The following ARHGAP22 variants were observed in gnomAD, a reference collection of about 807,000 sequenced individuals.
ARHGAP22 encodes the protein Rho GTPase activating protein 22.
Under a neutral mutation model 59.1 loss-of-function variants are expected in ARHGAP22, and 48 were observed. That is an observed-to-expected ratio of 0.81 (90% CI 0.64 to 1.03). The LOEUF (loss-of-function observed/expected upper bound fraction) is 1.03, where lower values mean the gene tolerates loss of function less well. Ranked by LOEUF, ARHGAP22 falls within the 50% of genes least tolerant of loss-of-function variation. The pLI is 0.00. For missense variants in ARHGAP22, 1,015 were observed against 958.7 expected (o/e 1.06, Z -0.78); for synonymous variants, 445 against 416.4 (o/e 1.07, Z -0.84).
At chr10:48,482,376 C>G (rs1455508445) in intron 3 of ARHGAP22, among the ~76,000 whole-genome samples, 1 of 152,250 alleles carries the variant, frequency 6.6e-6, no homozygotes, top group Non-Finnish European at 1.5e-5. Flanking sequence ...CAGTGAACCT[C>G]CATGTGCAAT....
intron 1 of ARHGAP22, among the ~76,000 whole-genome samples, chr10:48,622,802 G>T (rs1398565513): frequency 6.6e-6 from 1 of 152,114 alleles, no homozygotes; most frequent in African/African-American, 2.4e-5. Flanking sequence ...TACCCATTTG[G>T]CCCTCTACCA....
chr10:48,610,665 AG>A (rs1217808391), intron 1 of ARHGAP22, among the ~76,000 whole-genome samples: 1 of 152,132 alleles, frequency 6.6e-6, no homozygotes, highest in African/African-American at 2.4e-5. Flanking sequence ...TCAGGAAAGG[AG>A]GGAAGCAGGG....
upstream of ARHGAP22, among the ~76,000 whole-genome samples, chr10:48,654,814 CT>C (rs1554967818): frequency 0.11 from 12,851 of 113,212 alleles, 651 homozygotes; most frequent in Admixed American, 0.15. Context: ...TTCTTTCTTT[CT>C]TTCTTTCTTT....
At chr10:48,624,984 A>G (rs1040757721) in intron 1 of ARHGAP22, 2 of 152,238 alleles carry the variant, frequency 1.3e-5, no homozygotes, top group African/African-American at 4.8e-5. Context: ...GTCTGTTGGC[A>G]TAAAGCTTTT....
In ARHGAP22 at chr10:48,591,066, G is replaced by A. The variant is rs60990801; in HGVS notation, c.35-7914C>T. On this transcript the variant is annotated intron_variant, in intron 1 of 9. Coordinates refer to ENST00000249601, the MANE Select transcript of ARHGAP22 (RefSeq NM_021226.4). ...AGAGCCGGGATTCAAGCCCTGGCTGGTCTTGCTCACTATGGACACTACAGT... is the reference window on the plus strand; with the variant it reads ...AGAGCCGGGATTCAAGCCCTGGCTGATCTTGCTCACTATGGACACTACAGT... Among the ~76,000 whole-genome samples, 213 of 152,338 alleles carry A rather than the reference G, an allele frequency of 1.4e-3. 1 individual carries two copies. The highest frequency in any genetic ancestry group is 4.7e-3 in the African/African-American group (197 of 41,580).
At chr10:48,617,278 C>A (rs780566774) in intron 1 of ARHGAP22, among the ~76,000 whole-genome samples, 1 of 151,930 alleles carries the variant, frequency 6.6e-6, no homozygotes, top group Non-Finnish European at 1.5e-5. Flanking sequence ...ACTTCAGTCT[C>A]AGTGTTAGAC....
intron 3 of ARHGAP22, among the ~76,000 whole-genome samples, chr10:48,480,567 G>A (rs1309254870): frequency 1.3e-5 from 2 of 152,188 alleles, no homozygotes; most frequent in East Asian, 3.9e-4. Context: ...GTTCCCATGG[G>A]GTGGGTGGGC....
chr10:48,582,391 G>T (rs887180940), intron 2 of ARHGAP22, among the ~76,000 whole-genome samples: 10 of 152,222 alleles, frequency 6.6e-5, no homozygotes, highest in Admixed American at 2.0e-4. Context: ...TGCATGGGCC[G>T]CTGTGACGAG....
intron 4 of ARHGAP22, among the ~76,000 whole-genome samples, chr10:48,472,547 A>AACAAAATAAAATAAAATAAC (rs2048329868): frequency 6.6e-6 from 1 of 152,126 alleles, no homozygotes; most frequent in Non-Finnish European, 1.5e-5. Context: ...AATAAAATAA[A>AACAAAATAAAATAAAATAAC]ACAAAATAAA....
At chr10:48,447,791 C>G (rs183542474) in intron 9 of ARHGAP22, among the ~76,000 whole-genome samples, 2 of 152,336 alleles carry the variant, frequency 1.3e-5, no homozygotes, top group Admixed American at 6.5e-5. Context: ...CTGGTGCACT[C>G]TTGGTGAACA....
Position 48,595,943 on chromosome 10 carries a change from T to C in ARHGAP22, c.34+8820A>G, listed in dbSNP as rs541997598. 2.6e-5 allele frequency among the ~76,000 whole-genome samples: 4 copies of C among 152,164 alleles called. No homozygotes were observed. The South Asian group carries it at 6.2e-4, about 24-fold the overall frequency. ...CCTCGGCATGAAGAACTAGAGCCAA[T>C]AAGGTGCACAGCCTATCCATTCCTG... is the stretch of plus-strand genomic sequence containing the variant. On this transcript the variant is annotated intron_variant, in intron 1 of 9. Transcript: ENST00000249601.
intron 1 of ARHGAP22, among the ~76,000 whole-genome samples, chr10:48,601,016 C>T (rs1408170727): frequency 1.3e-5 from 2 of 152,210 alleles, no homozygotes; most frequent in African/African-American, 2.4e-5. Context: ...ACTGACCATT[C>T]TGCTAGACCT....
At chr10:48,470,017 G>A (rs7069220) in intron 4 of ARHGAP22, among the ~76,000 whole-genome samples, 25,702 of 152,174 alleles carry the variant, frequency 0.17, 2,417 homozygotes, top group African/African-American at 0.25. Context: ...AATGGGACTG[G>A]TTTCACAGGG....
chr10:48,559,876 T>C (rs1325973715), intron 2 of ARHGAP22, among the ~76,000 whole-genome samples: 2 of 152,212 alleles, frequency 1.3e-5, no homozygotes, highest in African/African-American at 2.4e-5. Context: ...AATCTACTTA[T>C]AGCATATCAG....
rs549157375 is a variant in ARHGAP22 at position 48,515,562 on chromosome 10, T to A, written c.323-35798A>T. Among the ~76,000 whole-genome samples the A allele has an allele frequency of 2.6e-3, 397 of 152,214 alleles. 3 individuals carry two copies. The highest frequency in any genetic ancestry group is 4.6e-3 in the Non-Finnish European group (312 of 67,990). ...CAGAAGACTTGAATAACATAAGGAA[T>A]CAAGCAGACCTAACATACAACTGTA... is the stretch of plus-strand genomic sequence containing the variant. On this transcript the variant is annotated intron_variant, in intron 3 of 9. Transcript: ENST00000249601.
At chr10:48,506,530 G>A (rs1315085241) in intron 3 of ARHGAP22, among the ~76,000 whole-genome samples, 6 of 152,140 alleles carry the variant, frequency 3.9e-5, no homozygotes, top group Non-Finnish European at 8.8e-5. Context: ...ATTTTCATAA[G>A]CTGCCTCCTT....
upstream of ARHGAP22, among the ~76,000 whole-genome samples, chr10:48,607,136 T>C (rs2060709931): frequency 6.6e-6 from 1 of 152,210 alleles, no homozygotes; most frequent in Non-Finnish European, 1.5e-5. Flanking sequence ...TAATGCAGCC[T>C]GGACCACTTC....
Position 48,450,538 on chromosome 10 carries a change from C to A in ARHGAP22, c.1591G>T (p.Ala531Ser), listed in dbSNP as rs778871687. The stretch of plus-strand genomic sequence containing the variant: ...GCAGACGAGTCGCTGGCGCGGCAGG[C>A]CGTGCAGCTGCTGAGTGAGCCCCCC... ...SVGGSLSSCT[A>S]CRASDSSARS... Residue 531 changes from alanine to serine, a missense_variant, in exon 9 of 10, where the codon GCC (alanine) becomes TCC (serine). Transcript: ENST00000249601. The A allele has an allele frequency of 2.0e-5, 30 of 1,518,140 alleles. No homozygotes were observed. Among genetic ancestry groups the A allele is most frequent in the Non-Finnish European group, 4.4e-6 (5 of 1,133,406 alleles). 94.0% of individuals were successfully genotyped at this position (1,518,140 alleles called of 1,614,324 possible).
chr10:48,460,477 T>A (rs2047032608), intron 4 of ARHGAP22, among the ~76,000 whole-genome samples: 1 of 152,230 alleles, frequency 6.6e-6, no homozygotes, highest in Admixed American at 6.5e-5. Flanking sequence ...GATCAGATAG[T>A]AACAAGTGTT....
Sources: gnomAD v4.1 joint callset for allele counts (sites outside exome capture counted in the v4.1 genomes callset) on GRCh38, gnomAD v4.1.1 for gene constraint, MANE v1.5 for transcripts, NCBI Gene and HGNC (gene_info 2026-07-23, HGNC 2026-07-21) for gene names.